Variants in KATNAL2 observed in about 807,000 individuals in gnomAD.
KATNAL2 encodes the protein katanin p60 ATPase-containing subunit A-like 2.
In KATNAL2, 52 loss-of-function variants were observed where a neutral mutation model predicts 76.3. The ratio of observed to expected loss-of-function variants is 0.68; its 90% CI spans 0.55 to 0.86. The LOEUF (loss-of-function observed/expected upper bound fraction) is 0.86, where lower values mean the gene tolerates loss of function less well. Among genes scored for constraint, KATNAL2 ranks in the 40% least tolerant of loss-of-function variants. The probability of loss-of-function intolerance (pLI) is 0.00; values close to 1 mark genes in which losing one functional copy is unlikely to be tolerated. For synonymous variants in KATNAL2, 243 were observed against 244.2 expected (o/e 1.00, Z 0.05); for missense variants, 660 against 668.9 (o/e 0.99, Z 0.15).
At chr18:46,932,178 T>A (rs1241859442) in intron 1 of KATNAL2, among the ~76,000 whole-genome samples, 1 of 152,172 alleles carries the variant, frequency 6.6e-6, no homozygotes. Context: ...CCCAAAGTGC[T>A]GGGATTACAG....
intron 3 of KATNAL2, among the ~76,000 whole-genome samples, chr18:46,965,374 C>T (rs1199359619): frequency 4.4e-5 from 5 of 114,788 alleles, no homozygotes; most frequent in African/African-American, 1.6e-4. Flanking sequence ...GGACGCCTCA[C>T]GGTTTCCCAT....
At chr18:47,063,201 C>T (rs777187795) in intron 9 of KATNAL2, 83 bp from the exon 10 acceptor site, 8 of 1,481,460 alleles carry the variant, frequency 5.4e-6, no homozygotes, top group Non-Finnish European at 7.5e-6. Context: ...TCGTTTGTTT[C>T]ACCAAGACCT....
chr18:47,035,253 C>A (rs995614452), intron 3 of KATNAL2: 5 of 1,612,602 alleles, frequency 3.1e-6, no homozygotes, highest in Non-Finnish European at 3.4e-6. Context: ...GCGTAGTGGA[C>A]CCTGCCGCCA....
rs780344694 is a variant in KATNAL2, at chr18:47,063,049, C to T, written c.627C>T (p.Phe209=). 5.0e-6 allele frequency: 8 copies of T among 1,614,054 alleles called. No homozygotes were observed. Among genetic ancestry groups the T allele is most frequent in the African/African-American group, 1.3e-5 (1 of 75,048 alleles). ...GATSELALNT[F]DHNPDPSERL... ...CCAGTGAACTTGCCTTGAACACCTTCGACCATAATCCAGACCCCTCAGTAA... is the reference window on the plus strand; with the variant it reads ...CCAGTGAACTTGCCTTGAACACCTTTGACCATAATCCAGACCCCTCAGTAA... Residue 209 remains phenylalanine, a synonymous_variant, in exon 9 of 18, where the codon TTC becomes TTT. Coordinates refer to ENST00000683218, the MANE Select transcript of KATNAL2 (RefSeq NM_001387690.1).
rs1029795350 is a variant in KATNAL2 at position 46,927,938 on chromosome 18, G to C, written c.-510+10012G>C. Among the ~76,000 whole-genome samples, 3 of 152,106 alleles carry C rather than the reference G, an allele frequency of 2.0e-5. No homozygotes were observed. In the South Asian group the frequency reaches 6.2e-4, roughly 32 times the overall value. ...TGTGCCTTGGTTTTCAGCTCCATCA[G>C]GTCCTTTAAGGACTTCTCTGCATTG... On this transcript the variant is annotated intron_variant, in intron 1 of 17. Transcript: ENST00000683218.
At chr18:47,041,242 G>T (rs1188283401) in intron 3 of KATNAL2, among the ~76,000 whole-genome samples, 1 of 152,292 alleles carries the variant, frequency 6.6e-6, no homozygotes, top group South Asian at 2.1e-4. Flanking sequence ...GAGGGTTCAT[G>T]CTTGCTGTTG....
intron 3 of KATNAL2, among the ~76,000 whole-genome samples, chr18:46,959,396 A>G (rs917035364): frequency 1.3e-5 from 2 of 152,200 alleles, no homozygotes; most frequent in Admixed American, 1.3e-4. Context: ...TTGGACCAAA[A>G]AGGAGAGACT....
chr18:47,036,204 A>T (rs569619180), intron 3 of KATNAL2, among the ~76,000 whole-genome samples: 1 of 152,338 alleles, frequency 6.6e-6, no homozygotes, highest in Non-Finnish European at 1.5e-5. Flanking sequence ...TGCAAGGTGG[A>T]CGCCTCATGA....
At chr18:46,932,526 C>T (rs1350186779) in intron 1 of KATNAL2, among the ~76,000 whole-genome samples, 2 of 150,976 alleles carry the variant, frequency 1.3e-5, no homozygotes, top group African/African-American at 2.4e-5. Flanking sequence ...AATACAAAAA[C>T]TAGTTGGCAT....
Position 46,946,096 on chromosome 18 carries a change from A to C in KATNAL2, c.-470A>C. The C allele has an allele frequency of 1.8e-6, 1 of 540,806 alleles. No individual in the cohort carries two copies. The highest frequency in any genetic ancestry group is 2.4e-6 in the Non-Finnish European group (1 of 421,944). The allele number at this position is 540,806 out of a possible 1,614,324, so 33.5% of individuals were successfully genotyped here. On this transcript the variant is annotated 5_prime_UTR_variant, in exon 2 of 18. Coordinates refer to ENST00000683218, the MANE Select transcript of KATNAL2 (RefSeq NM_001387690.1). Reference sequence around the variant, plus strand: ...AATATTTTTGTATCCTGAAGGGAGAAATGGATGAAGAAGAAATGGATGAAG... The same window carrying C: ...AATATTTTTGTATCCTGAAGGGAGACATGGATGAAGAAGAAATGGATGAAG...
chr18:47,050,850 T>C (rs1198570312), intron 4 of KATNAL2, among the ~76,000 whole-genome samples: 1 of 152,122 alleles, frequency 6.6e-6, no homozygotes, highest in Non-Finnish European at 1.5e-5. Flanking sequence ...AGAATATGAA[T>C]AGACCGATGT....
At chr18:46,961,074 A>G (rs147304436) in intron 3 of KATNAL2, among the ~76,000 whole-genome samples, 73 of 152,380 alleles carry the variant, frequency 4.8e-4, no homozygotes, top group Middle Eastern at 6.8e-3. Flanking sequence ...AATACAACAG[A>G]AAGTTTTGCA....
At chr18:47,091,622 A>T (rs1305207808) in intron 15 of KATNAL2, among the ~76,000 whole-genome samples, 2 of 152,108 alleles carry the variant, frequency 1.3e-5, no homozygotes, top group African/African-American at 4.8e-5. Context: ...GCTGTCAGAG[A>T]GTTGCACTTA....
At chr18:46,926,488 A>G (rs375144009) in intron 1 of KATNAL2, among the ~76,000 whole-genome samples, 8 of 152,100 alleles carry the variant, frequency 5.3e-5, no homozygotes, top group East Asian at 1.9e-4. Context: ...ATTTGCTGAG[A>G]AGTGCTTTAC....
rs770800311 is a variant in KATNAL2, at chr18:47,069,214, C to T, written c.826-6C>T. On this transcript the variant is annotated splice_polypyrimidine_tract_variant and splice_region_variant and intron_variant, in intron 11 of 17. Transcript: ENST00000683218. ...CAAACCTCATCCTTGTTCCTTGTTT[C>T]CTTAGTATCCACAGCTATTTACAGG... 5 of 1,607,060 alleles carry T rather than the reference C, an allele frequency of 3.1e-6. No homozygotes were observed. The highest frequency in any genetic ancestry group is 2.2e-5 in the South Asian group (2 of 90,622).
intron 3 of KATNAL2, among the ~76,000 whole-genome samples, chr18:47,036,853 CA>C (rs1246357593): frequency 7.9e-5 from 12 of 152,308 alleles, no homozygotes; most frequent in Admixed American, 7.8e-4. Flanking sequence ...GATCTGTAGA[CA>C]CTTCTTTTGA....
rs553623665 is a variant in KATNAL2, at chr18:46,926,362, C to T, written c.-510+8436C>T. On this transcript the variant is annotated intron_variant, in intron 1 of 17. Coordinates refer to ENST00000683218, the MANE Select transcript of KATNAL2 (RefSeq NM_001387690.1). ...TATTTACCCAGTAGTCATTCAGGAG[C>T]AGGTTGTTCAGTTTCCTTGTAGTTG... is the stretch of plus-strand genomic sequence containing the variant. Among the ~76,000 whole-genome samples the T allele has an allele frequency of 4.6e-5, 7 of 152,212 alleles. No individual in the cohort carries two copies. The South Asian group carries it at 6.2e-4, about 14-fold the overall frequency.
intron 10 of KATNAL2, among the ~76,000 whole-genome samples, chr18:47,066,014 A>T (rs1055047529): frequency 5.1e-4 from 77 of 151,816 alleles, no homozygotes; most frequent in East Asian, 4.8e-3. Context: ...AAAAAATTTT[A>T]AAAAAATAAA....
chr18:47,074,947 T>C (rs575864100), intron 13 of KATNAL2, among the ~76,000 whole-genome samples: 1 of 152,220 alleles, frequency 6.6e-6, no homozygotes, highest in Non-Finnish European at 1.5e-5. Flanking sequence ...GAACATATTA[T>C]TGGCAGGGTG....
Sources: allele counts gnomAD v4.1 joint callset (sites outside exome capture counted in the v4.1 genomes callset), GRCh38; gene constraint gnomAD v4.1.1; transcripts MANE v1.5; gene names NCBI Gene and HGNC (gene_info 2026-07-23, HGNC 2026-07-21).